WDFY3: variants seen among roughly 807,000 people sequenced by gnomAD.
The protein encoded by WDFY3 is WD repeat and FYVE domain containing 3.
In WDFY3, 66 loss-of-function variants were observed where a neutral mutation model predicts 409.6. That is an observed-to-expected ratio of 0.16 (90% CI 0.13 to 0.20). The LOEUF is 0.20. Ranked by LOEUF, WDFY3 falls within the 10% of genes least tolerant of loss-of-function variation. The pLI is 1.00. For missense variants in WDFY3, 3,031 were observed against 4,298.1 expected (o/e 0.71, Z 8.24); for synonymous variants, 1,521 against 1,537.1 (o/e 0.99, Z 0.25).
chr4:84,793,984 T>A (rs1015880503), intron 21 of WDFY3, among the ~76,000 whole-genome samples: 2 of 152,238 alleles, frequency 1.3e-5, no homozygotes, highest in African/African-American at 4.8e-5. Flanking sequence ...AAATTATTTA[T>A]CATTTAGCAG....
At chr4:84,865,050 G>A (rs1761185451) in intron 3 of WDFY3, among the ~76,000 whole-genome samples, 1 of 151,896 alleles carries the variant, frequency 6.6e-6, no homozygotes, top group African/African-American at 2.4e-5. Context: ...CACCATGCCT[G>A]TCTAATTTTT....
chr4:84,751,426 A>G, intron 36 of WDFY3, 57 bp downstream of exon 36: 3 of 1,545,076 alleles, frequency 1.9e-6, no homozygotes, highest in Non-Finnish European at 2.7e-6. Flanking sequence ...TTGGTTACTA[A>G]TGTTCTAATT....
At chr4:84,860,290 A>T in intron 4 of WDFY3, 122 bp downstream of exon 4, 1 of 1,178,082 alleles carries the variant, frequency 8.5e-7, no homozygotes, top group Non-Finnish European at 1.2e-6. Flanking sequence ...AAACGAGAAC[A>T]CCAAACTTCT....
intron 6 of WDFY3, among the ~76,000 whole-genome samples, chr4:84,839,536 T>G: frequency 6.6e-6 from 1 of 151,002 alleles, no homozygotes. Context: ...CCAGGACAGG[T>G]TGGTTACACT....
rs115632253 is a variant in WDFY3 at position 84,787,555 on chromosome 4, A to T, written c.3828T>A (p.Pro1276=). ...CATAAATGGTAGTAACATTTGAAGA[A>T]GGTAAAACTTCTTCTAGAAAATGTG... The part of the protein sequence containing the change: ...GPTHFLEEVL[P]SSNVTTIYEL... Residue 1276 remains proline, a synonymous_variant, in exon 23 of 68, where the codon CCT becomes CCA. Transcript: ENST00000295888. 6.2e-7 allele frequency: 1 copy of T among 1,614,218 alleles called. No individual in the cohort carries two copies. Among genetic ancestry groups the T allele is most frequent in the African/African-American group, 1.3e-5 (1 of 75,058 alleles).
chr4:84,964,074 G>C (rs1035598115), intron 1 of WDFY3, among the ~76,000 whole-genome samples: 1 of 152,146 alleles, frequency 6.6e-6, no homozygotes, highest in Non-Finnish European at 1.5e-5. Context: ...TTGAGAATGT[G>C]ATCACCCAAC....
intron 27 of WDFY3, 87 bp from the exon 28 acceptor site, chr4:84,775,225 C>A (rs1745350157): frequency 1.0e-6 from 1 of 998,300 alleles, no homozygotes; most frequent in Non-Finnish European, 1.5e-6. Flanking sequence ...GCACATGGAA[C>A]TTATTTCACT....
intron 21 of WDFY3, 116 bp from the exon 22 acceptor site, chr4:84,790,023 T>A: frequency 9.0e-7 from 1 of 1,116,554 alleles, no homozygotes; most frequent in Non-Finnish European, 1.3e-6. Context: ...TGATGCAGAC[T>A]GATTTGAGTA....
rs147190265 is a variant in WDFY3, at chr4:84,694,739, T to G, written c.8901+1231A>C. Reference sequence around the variant, plus strand: ...TGAGTCTAGGAGTTCAAGACCAGCCTGGGCAACATAGTGAGACTCTATCTC... The same window carrying G: ...TGAGTCTAGGAGTTCAAGACCAGCCGGGGCAACATAGTGAGACTCTATCTC... On this transcript the variant is annotated intron_variant, in intron 58 of 67. Coordinates refer to ENST00000295888, the MANE Select transcript of WDFY3 (RefSeq NM_014991.6). 8.0e-3 allele frequency among the ~76,000 whole-genome samples: 1,212 copies of G among 152,144 alleles called. 20 individuals carry two copies. The highest frequency in any genetic ancestry group is 0.028 in the African/African-American group (1,159 of 41,496).
At chr4:84,914,420 A>G (rs1016122837) in intron 2 of WDFY3, among the ~76,000 whole-genome samples, 8 of 152,132 alleles carry the variant, frequency 5.3e-5, no homozygotes, top group Admixed American at 3.9e-4. Context: ...TCTCAAAAAC[A>G]AAACAAGACA....
chr4:84,861,901 C>T (rs1302956743), intron 3 of WDFY3, among the ~76,000 whole-genome samples: 1 of 152,112 alleles, frequency 6.6e-6, no homozygotes, highest in African/African-American at 2.4e-5. Context: ...CAAAAGGAAC[C>T]AGGAAGGCTG....
At chr4:84,900,944 T>C (rs1030077769) in intron 2 of WDFY3, among the ~76,000 whole-genome samples, 1 of 152,198 alleles carries the variant, frequency 6.6e-6, no homozygotes, top group African/African-American at 2.4e-5. Flanking sequence ...TAGAAATGTA[T>C]TTCCTCATGG....
At chr4:84,755,931 T>G (rs895265456) in intron 33 of WDFY3, among the ~76,000 whole-genome samples, 1 of 152,228 alleles carries the variant, frequency 6.6e-6, no homozygotes, top group African/African-American at 2.4e-5. Context: ...GTGCTAGGCA[T>G]GAATCTGTAT....
rs1219737853 is a variant in WDFY3, at chr4:84,830,875, A to AT, written c.769+537dup. ...ATGATTGAATTTACACAACAATGAAATTTTTTTTAACTTTTAGAAATATCC... is the reference window on the plus strand; with the variant it reads ...ATGATTGAATTTACACAACAATGAAATTTTTTTTTAACTTTTAGAAATATCC... On this transcript the variant is annotated intron_variant, in intron 8 of 67. Transcript: ENST00000295888. 2.0e-5 allele frequency among the ~76,000 whole-genome samples: 3 copies of AT among 152,020 alleles called. 1 individual carries two copies. Among genetic ancestry groups the AT allele is most frequent in the Non-Finnish European group, 2.9e-5 (2 of 67,990 alleles).
chr4:84,910,463 A>G (rs993433555), intron 2 of WDFY3, among the ~76,000 whole-genome samples: 1 of 152,202 alleles, frequency 6.6e-6, no homozygotes, highest in African/African-American at 2.4e-5. Context: ...TAGCATAAGG[A>G]TGGTAATATG....
chr4:84,724,926 T>C (rs1047258216), intron 45 of WDFY3, among the ~76,000 whole-genome samples: 2 of 152,216 alleles, frequency 1.3e-5, no homozygotes, highest in African/African-American at 4.8e-5. Context: ...ATGATCACTG[T>C]TGAAGAGCAT....
intron 45 of WDFY3, among the ~76,000 whole-genome samples, chr4:84,725,741 A>G (rs951612569): frequency 6.6e-6 from 1 of 152,208 alleles, no homozygotes; most frequent in Non-Finnish European, 1.5e-5. Flanking sequence ...CATCATTTAC[A>G]ACAATGCCCT....
rs141147833 is a variant in WDFY3 at position 84,678,279 on chromosome 4, C to A, written c.10148G>T (p.Gly3383Val). Residue 3383 changes from glycine (G) to valine (V), a missense_variant and splice_region_variant, in exon 66 of 68, where the codon GGG (glycine) becomes GTG (valine). Physicochemically the swap from Gly to Val is moderately radical, Grantham distance 109. Transcript: ENST00000295888. ...CACCAGCTGCCGTTCCCATCGGTAC[C>A]CTGGAATGGAGAAGTGGAGGACACA... Reference protein sequence around the residue: ...EVRNYSRLKPGYRWERQLVFR... With the variant: ...EVRNYSRLKPVYRWERQLVFR... The A allele has an allele frequency of 1.5e-5, 24 of 1,611,484 alleles. No individual in the cohort carries two copies. Among genetic ancestry groups the A allele is most frequent in the Non-Finnish European group, 2.0e-5 (24 of 1,177,756 alleles).
chr4:84,844,105 G>A (rs1205102567), intron 5 of WDFY3, among the ~76,000 whole-genome samples: 1 of 152,006 alleles, frequency 6.6e-6, no homozygotes, highest in African/African-American at 2.4e-5. Flanking sequence ...TAAAGAATGC[G>A]GACAATCTTA....
Sources: gnomAD v4.1 joint callset for allele counts (sites outside exome capture counted in the v4.1 genomes callset) on GRCh38, gnomAD v4.1.1 for gene constraint, MANE v1.5 for transcripts, NCBI Gene and HGNC (gene_info 2026-07-23, HGNC 2026-07-21) for gene names.